The following PRKD1 variants were observed in gnomAD, a reference collection of about 807,000 sequenced individuals.
PRKD1 encodes serine/threonine-protein kinase D1.
In PRKD1, 63 loss-of-function variants were observed where a neutral mutation model predicts 95.9. The observed-to-expected ratio is 0.66, with a 90% CI of 0.54 to 0.81. The LOEUF (loss-of-function observed/expected upper bound fraction) is 0.81, where lower values mean the gene tolerates loss of function less well. Ranked by LOEUF, PRKD1 falls within the 30% of genes least tolerant of loss-of-function variation. PRKD1 has a pLI of 0.00. For missense variants in PRKD1, 1,048 were observed against 1,165.3 expected (o/e 0.90, Z 1.47); for synonymous variants, 425 against 423.1 (o/e 1.00, Z -0.05).
chr14:29,642,997 GA>G (rs1159946961), intron 4 of PRKD1, among the ~76,000 whole-genome samples: 1 of 151,424 alleles, frequency 6.6e-6, no homozygotes, highest in Non-Finnish European at 1.5e-5. Context: ...TATGTTCAGA[GA>G]AAAAAATGGC....
At chr14:29,824,763 T>C (rs977866531) in intron 1 of PRKD1, among the ~76,000 whole-genome samples, 2 of 152,140 alleles carry the variant, frequency 1.3e-5, no homozygotes, top group African/African-American at 4.8e-5. Flanking sequence ...AGGCCAGTGA[T>C]TTGGAGATAG....
At chr14:29,623,827 G>T (rs1879439835) in intron 13 of PRKD1, among the ~76,000 whole-genome samples, 1 of 152,042 alleles carries the variant, frequency 6.6e-6, no homozygotes, top group South Asian at 2.1e-4. Context: ...ATAAAGGCAT[G>T]TTTATGAAGG....
At chr14:29,838,320 A>C (rs911618234) in intron 1 of PRKD1, among the ~76,000 whole-genome samples, 13 of 152,194 alleles carry the variant, frequency 8.5e-5, no homozygotes, top group Non-Finnish European at 1.8e-4. Context: ...ATAATCAAGC[A>C]AACATCAACA....
At chr14:29,915,430 G>C (rs1451901858) in intron 1 of PRKD1, among the ~76,000 whole-genome samples, 1 of 152,146 alleles carries the variant, frequency 6.6e-6, no homozygotes, top group Admixed American at 6.5e-5. Flanking sequence ...TTCCTCAAGG[G>C]TGAGGAGTAT....
At chr14:29,861,260 A>C (rs1892700119) in intron 1 of PRKD1, among the ~76,000 whole-genome samples, 1 of 152,144 alleles carries the variant, frequency 6.6e-6, no homozygotes, top group Non-Finnish European at 1.5e-5. Flanking sequence ...ACTTCTCACA[A>C]ACTGAGATGG....
At chr14:29,856,780 T>C (rs140801612) in intron 1 of PRKD1, among the ~76,000 whole-genome samples, 6 of 152,282 alleles carry the variant, frequency 3.9e-5, no homozygotes, top group Middle Eastern at 3.4e-3. Flanking sequence ...CTGAGGCTGG[T>C]AAGCTAACAT....
chr14:29,586,254 GA>G (rs1892923517), intron 16 of PRKD1, among the ~76,000 whole-genome samples: 1 of 152,180 alleles, frequency 6.6e-6, no homozygotes, highest in Non-Finnish European at 1.5e-5. Context: ...TCAGTATCTG[GA>G]ATGCAGAGAT....
chr14:29,815,895 TATA>T (rs1287810882), intron 1 of PRKD1, among the ~76,000 whole-genome samples: 5 of 152,112 alleles, frequency 3.3e-5, no homozygotes, highest in Non-Finnish European at 7.4e-5. Flanking sequence ...TCAATATAGG[TATA>T]AGCAAAGGGA....
chr14:29,906,484 G>A (rs1196921169), intron 1 of PRKD1, among the ~76,000 whole-genome samples: 1 of 151,898 alleles, frequency 6.6e-6, no homozygotes, highest in African/African-American at 2.4e-5. Context: ...GCTGCAGTGA[G>A]CCATGATTGC....
intron 1 of PRKD1, among the ~76,000 whole-genome samples, chr14:29,890,081 GATTAT>G (rs1893884833): frequency 6.6e-6 from 1 of 152,112 alleles, no homozygotes; most frequent in Admixed American, 6.5e-5. Context: ...GAAATCCCTA[GATTAT>G]ATTATTGCTA....
At chr14:29,888,468 G>C (rs1245665285) in intron 1 of PRKD1, among the ~76,000 whole-genome samples, 1 of 152,180 alleles carries the variant, frequency 6.6e-6, no homozygotes, top group Non-Finnish European at 1.5e-5. Context: ...GCATCATGAA[G>C]GGAAACACTG....
intron 16 of PRKD1, among the ~76,000 whole-genome samples, chr14:29,581,491 A>C (rs944902664): frequency 2.0e-5 from 3 of 152,146 alleles, no homozygotes; most frequent in African/African-American, 7.2e-5. Flanking sequence ...AGGCCATGTA[A>C]GTTGGTCAAA....
intron 1 of PRKD1, among the ~76,000 whole-genome samples, chr14:29,877,872 C>T (rs1162118407): frequency 6.6e-6 from 1 of 152,144 alleles, no homozygotes; most frequent in Non-Finnish European, 1.5e-5. Context: ...CAGCACTATA[C>T]ACAATAGCAA....
At chr14:29,790,974 C>A (rs1889518798) in intron 1 of PRKD1, among the ~76,000 whole-genome samples, 2 of 152,258 alleles carry the variant, frequency 1.3e-5, no homozygotes, top group South Asian at 4.1e-4. Flanking sequence ...CCTCAGTGAG[C>A]CCTAGCCTTA....
chr14:29,925,960 G>A (rs1328327035), intron 1 of PRKD1, among the ~76,000 whole-genome samples: 3 of 152,128 alleles, frequency 2.0e-5, no homozygotes, highest in East Asian at 3.9e-4. Context: ...AGCATGATAT[G>A]ACTTACATCA....
At chr14:29,602,427 C>CTT (rs11331211) in intron 13 of PRKD1, among the ~76,000 whole-genome samples, 13 of 131,438 alleles carry the variant, frequency 9.9e-5, no homozygotes, top group Non-Finnish European at 9.7e-5. Context: ...CTGTATTCCT[C>CTT]TTTTTTTTTT....
intron 4 of PRKD1, among the ~76,000 whole-genome samples, chr14:29,660,552 T>C (rs1882134079): frequency 6.6e-6 from 1 of 152,176 alleles, no homozygotes; most frequent in Non-Finnish European, 1.5e-5. Context: ...GCTTTTATCA[T>C]TGTCCCTCAT....
intron 1 of PRKD1, among the ~76,000 whole-genome samples, chr14:29,896,384 A>C (rs745629300): frequency 2.0e-5 from 3 of 151,916 alleles, no homozygotes; most frequent in Admixed American, 2.0e-4. Flanking sequence ...ACACACACAC[A>C]CACCCATCAA....
Position 29,718,951 on chromosome 14 carries a change from T to C in PRKD1, c.403+6585A>G, listed in dbSNP as rs1594456266. Among the ~76,000 whole-genome samples, 4 of 152,264 alleles carry C rather than the reference T, an allele frequency of 2.6e-5. 1 individual carries two copies. The South Asian group carries it at 8.3e-4, about 32-fold the overall frequency. Reference sequence around the variant, plus strand: ...TCTTCTGCCTAAATTTCACAGAAGATAAAATATTGCTACATTGCTAACCAA... The same window carrying C: ...TCTTCTGCCTAAATTTCACAGAAGACAAAATATTGCTACATTGCTAACCAA... On this transcript the variant is annotated intron_variant, in intron 2 of 17. Transcript: ENST00000331968.
Sources: gnomAD v4.1 joint callset for allele counts (sites outside exome capture counted in the v4.1 genomes callset) on GRCh38, gnomAD v4.1.1 for gene constraint, MANE v1.5 for transcripts, NCBI Gene and HGNC (gene_info 2026-07-23, HGNC 2026-07-21) for gene names.